The following NUDT18 variants were observed in gnomAD, a reference collection of about 807,000 sequenced individuals.
NUDT18 encodes the protein 8-oxo-dGDP phosphatase NUDT18.
A neutral mutation model predicts 27.6 loss-of-function variants in NUDT18; 26 were observed. The observed-to-expected ratio is 0.94, with a 90% CI of 0.69 to 1.31. The LOEUF (loss-of-function observed/expected upper bound fraction) is 1.31, where lower values mean the gene tolerates loss of function less well. NUDT18 is among the 50% of genes most tolerant of loss of function. The probability of loss-of-function intolerance (pLI) is 0.00; values close to 1 mark genes in which losing one functional copy is unlikely to be tolerated. For synonymous variants in NUDT18, 220 were observed against 196.9 expected (o/e 1.12, Z -0.98); for missense variants, 450 against 433.4 (o/e 1.04, Z -0.34).
intron 1 of NUDT18, 81 bp downstream of exon 1, chr8:22,109,058 C>A: frequency 1.8e-6 from 2 of 1,113,864 alleles, no homozygotes; most frequent in Non-Finnish European, 2.4e-6. Context: ...GCAGCGCTGG[C>A]TGTGGCCGTT....
At position 22,109,378 on chromosome 8, in the gene NUDT18, C is replaced by CCCGCTCCCAGTCCCTGCCGAGA; in HGVS notation, c.-79_-78insTCTCGGCAGGGACTGGGAGCGG. The CCCGCTCCCAGTCCCTGCCGAGA allele has an allele frequency of 4.2e-6, 5 of 1,195,274 alleles. No homozygotes were observed. In the South Asian group the frequency reaches 1.2e-4, roughly 28 times the overall value. 74.0% of individuals were successfully genotyped at this position (1,195,274 alleles called of 1,614,324 possible). A position where few individuals can be genotyped will look rare whatever the true frequency, so the allele number is the denominator to read the frequency against. ...CCGCGGGCTAGAGTGCGCTGCGGAG[C>CCCGCTCCCAGTCCCTGCCGAGA]CCGCTCCCAGTCCCTGCGGCAGCGG... On this transcript the variant is annotated 5_prime_UTR_variant, in exon 1 of 3. Transcript: ENST00000611621.
chr8:22,107,157 T>C lies in NUDT18; in HGVS notation c.*143A>G. 2 of 631,292 alleles carry C rather than the reference T, an allele frequency of 3.2e-6. No individual in the cohort carries two copies. Among genetic ancestry groups the C allele is most frequent in the South Asian group, 4.0e-5 (2 of 50,428 alleles). 39.1% of individuals were successfully genotyped at this position (631,292 alleles called of 1,614,324 possible). A position where few individuals can be genotyped will look rare whatever the true frequency, so the allele number is the denominator to read the frequency against. On this transcript the variant is annotated 3_prime_UTR_variant, in exon 3 of 3. Coordinates refer to ENST00000611621, the MANE Select transcript of NUDT18 (RefSeq NM_024815.4). ...ATCTAGAGGAATGCTCCTCAAAGCA[T>C]CTCTCCTGGGGACCAGGAGAGCCGC...
At position 22,109,247 on chromosome 8, in the gene NUDT18, C is replaced by G. The variant is rs367707934; in HGVS notation, c.54G>C (p.Gly18=). 7.0e-7 allele frequency: 1 copy of G among 1,418,746 alleles called. No homozygotes were observed. The highest frequency in any genetic ancestry group is 9.1e-7 in the Non-Finnish European group (1 of 1,093,936). The allele number at this position is 1,418,746 out of a possible 1,614,324, so 87.9% of individuals were successfully genotyped here. A position where few individuals can be genotyped will look rare whatever the true frequency, so the allele number is the denominator to read the frequency against. ...GALASVLAGQ[G]SSVHSCDSAP... ...CCGAGTCGCAGCTGTGCACGCTGGA[C>G]CCCTGGCCAGCCAGCACGGAAGCCA... The change falls in exon 1 of 3, where the codon GGG becomes GGC. Residue 18 remains glycine, a synonymous_variant. Transcript: ENST00000611621.
At position 22,107,352 on chromosome 8, in the gene NUDT18, C is replaced by T; in HGVS notation, c.920G>A (p.Ser307Asn). 2 of 1,613,316 alleles carry T rather than the reference C, an allele frequency of 1.2e-6. No homozygotes were observed. Among genetic ancestry groups the T allele is most frequent in the South Asian group, 2.2e-5 (2 of 91,024 alleles). Reference protein sequence around the residue: ...WWKVMEEDLQSQLLQRLQGSS... With the variant: ...WWKVMEEDLQNQLLQRLQGSS... Reference sequence around the variant, plus strand: ...TCCCTGAAGCCGCTGGAGGAGCTGGCTTTGCAGGTCTTCCTCCATCACCTT... The same window carrying T: ...TCCCTGAAGCCGCTGGAGGAGCTGGTTTTGCAGGTCTTCCTCCATCACCTT... Residue 307 changes from serine to asparagine, a missense_variant, in exon 3 of 3, where the codon AGC (serine) becomes AAC (asparagine). By Grantham distance (46) the Ser-to-Asn change is conservative. Transcript: ENST00000611621.
chr8:22,109,716 G>A (rs946931345), upstream of NUDT18: 7 of 459,662 alleles, frequency 1.5e-5, no homozygotes, highest in Middle Eastern at 3.2e-4. Context: ...CTTTCCTGCA[G>A]GGCGCGTTGC....
Position 22,109,400 on chromosome 8 carries a change from G to GTCCCTGCGGCAT in NUDT18, c.-101_-100insATGCCGCAGGGA. 3 of 303,926 alleles carry GTCCCTGCGGCAT rather than the reference G, an allele frequency of 9.9e-6. No individual in the cohort carries two copies. The highest frequency in any genetic ancestry group is 8.0e-5 in the African/African-American group (1 of 12,562). The allele number at this position is 303,926 out of a possible 1,614,324, so 18.8% of individuals were successfully genotyped here. A position where few individuals can be genotyped will look rare whatever the true frequency, so the allele number is the denominator to read the frequency against. ...GAGCCCGCTCCCAGTCCCTGCGGCA[G>GTCCCTGCGGCAT]CGGGCCGGGAGCTCACGAGAACGCG... On this transcript the variant is annotated 5_prime_UTR_variant, in exon 1 of 3. It adds an upstream start codon to the 5' untranslated region. Transcript: ENST00000611621.
upstream of NUDT18, among the ~76,000 whole-genome samples, chr8:22,110,040 C>T (rs1826445094): frequency 7.1e-6 from 1 of 141,784 alleles, no homozygotes; most frequent in Non-Finnish European, 1.5e-5. Context: ...GGAAGAGTGA[C>T]AGGCGCTGGA....
upstream of NUDT18, chr8:22,109,507 G>A (rs939721506): frequency 1.5e-5 from 7 of 473,606 alleles, 1 homozygote; most frequent in South Asian, 2.1e-4. Context: ...CGGATTGGCC[G>A]GCCCGCGGCA....
Position 22,107,598 on chromosome 8 carries a change from T to G in NUDT18, c.674A>C (p.Glu225Ala), listed in dbSNP as rs1179272973. The G allele has an allele frequency of 6.2e-7, 1 of 1,613,012 alleles. No homozygotes were observed. The highest frequency in any genetic ancestry group is 1.7e-5 in the Admixed American group (1 of 60,000). ...PVTACGLDPM[E>A]QRGGMKMAVL... ...GGCCATCTTCATGCCACCCCTCTGC[T>G]CCATAGGGTCGAGGCCACAGGCAGT... The change falls in exon 3 of 3, where the codon GAG (glutamate) becomes GCG (alanine). Residue 225 changes from glutamate to alanine, a missense_variant. Transcript: ENST00000611621.
chr8:22,109,587 AC>A, upstream of NUDT18: 1 of 515,922 alleles, frequency 1.9e-6, no homozygotes. Context: ...AGCCCAGCGG[AC>A]CCCGCCCGGC....
At chr8:22,109,717 G>A (rs1826439753), upstream of NUDT18, 1 of 459,598 alleles carries the variant, frequency 2.2e-6, no homozygotes, top group Admixed American at 2.3e-5. Context: ...TTTCCTGCAG[G>A]GCGCGTTGCG....
chr8:22,109,048 GC>G, intron 1 of NUDT18, 90 bp downstream of exon 1: 1 of 1,028,754 alleles, frequency 9.7e-7, no homozygotes, highest in Non-Finnish European at 1.3e-6. Flanking sequence ...CACGCACGCG[GC>G]AGCGCTGGCT....
Position 22,107,478 on chromosome 8 carries a change from CTG to C in NUDT18, c.792_793del (p.His264GlnfsTer2), listed in dbSNP as rs1210758093. ...CAGCACATTCAAACAGATGCCATCACTGTGATCTCGGCCCAGGTGCTGCAGTC... is the reference window on the plus strand; with the variant it reads ...CAGCACATTCAAACAGATGCCATCACTGATCTCGGCCCAGGTGCTGCAGTC... On this transcript the variant is annotated frameshift_variant, in exon 3 of 3. Coordinates refer to ENST00000611621, the MANE Select transcript of NUDT18 (RefSeq NM_024815.4). LOFTEE classifies it high-confidence loss of function. 5 of 1,613,186 alleles carry C rather than the reference CTG, an allele frequency of 3.1e-6. No homozygotes were observed. The highest frequency in any genetic ancestry group is 2.7e-5 in the African/African-American group (2 of 74,940).
rs1182193956 is a variant in NUDT18, at chr8:22,107,272, C to G, written c.*28G>C. On this transcript the variant is annotated 3_prime_UTR_variant, in exon 3 of 3. Transcript: ENST00000611621. Reference sequence around the variant, plus strand: ...TCCGCACTGGAGGGAGCACGGCTGCCTAGCTCCCTGTCACCTCCCCCACCT... The same window carrying G: ...TCCGCACTGGAGGGAGCACGGCTGCGTAGCTCCCTGTCACCTCCCCCACCT... 1 of 1,528,066 alleles carries G rather than the reference C, an allele frequency of 6.5e-7. No homozygotes were observed. Among genetic ancestry groups the G allele is most frequent in the East Asian group, 2.3e-5 (1 of 42,752 alleles). The allele number at this position is 1,528,066 out of a possible 1,614,324, so 94.7% of individuals were successfully genotyped here. A position where few individuals can be genotyped will look rare whatever the true frequency, so the allele number is the denominator to read the frequency against.
Position 22,109,312 on chromosome 8 carries a change from G to T in NUDT18, c.-12C>A, listed in dbSNP as rs1041210406. On this transcript the variant is annotated 5_prime_UTR_variant, in exon 1 of 3. Transcript: ENST00000611621. ...CCCTCCGAGGCCATCGGGTCCCCCGGGGGGCGGCGGGCCGGATCCTCGCAG... is the reference window on the plus strand; with the variant it reads ...CCCTCCGAGGCCATCGGGTCCCCCGTGGGGCGGCGGGCCGGATCCTCGCAG... The T allele has an allele frequency of 3.7e-6, 5 of 1,337,950 alleles. No individual in the cohort carries two copies. In the African/African-American group the frequency reaches 6.6e-5, roughly 18 times the overall value. The allele number at this position is 1,337,950 out of a possible 1,614,324, so 82.9% of individuals were successfully genotyped here.
rs758623486 is a variant in NUDT18, at chr8:22,108,291, A to T, written c.218T>A (p.Leu73Gln). ...AKRECRGSWY[L>Q]PAGRMEPGET... is the part of the protein sequence containing the mutation. ...CCCTGGCTCCATTCTCCCCGCAGGC[A>T]GGTACCACGACCCCCGGCACTCCCT... is the stretch of plus-strand genomic sequence containing the variant. Residue 73 changes from leucine (L) to glutamine (Q), a missense_variant, in exon 2 of 3, where the codon CTG (leucine) becomes CAG (glutamine). By Grantham distance (113) the Leu-to-Gln change is moderately radical (BLOSUM62 -2). Transcript: ENST00000611621. The T allele has an allele frequency of 3.8e-6, 6 of 1,593,138 alleles. No homozygotes were observed. In the Admixed American group the frequency reaches 8.8e-5, roughly 23 times the overall value.
chr8:22,109,956 G>A (rs2131742982), upstream of NUDT18: 1 of 314,542 alleles, frequency 3.2e-6, no homozygotes, highest in South Asian at 2.4e-5. Context: ...GCAATAGTTG[G>A]AGAGATGGAC....
In NUDT18 at chr8:22,107,609, G is replaced by T. The variant is rs762124338; in HGVS notation, c.663C>A (p.Leu221=). The change falls in exon 3 of 3, where the codon CTC becomes CTA. Residue 221 remains leucine (L), a synonymous_variant. Transcript: ENST00000611621. ...TGCCACCCCTCTGCTCCATAGGGTC[G>T]AGGCCACAGGCAGTGACAGGCAAGT... ...MPHLPVTACG[L]DPMEQRGGMK... 1 of 1,613,234 alleles carries T rather than the reference G, an allele frequency of 6.2e-7. No individual in the cohort carries two copies. The highest frequency in any genetic ancestry group is 1.1e-5 in the South Asian group (1 of 91,084).
chr8:22,109,378 C>CCCGCTCCCAGTCCCTACGGAGA lies in NUDT18; in HGVS notation c.-79_-78insTCTCCGTAGGGACTGGGAGCGG. The CCCGCTCCCAGTCCCTACGGAGA allele has an allele frequency of 8.4e-7, 1 of 1,195,274 alleles. No homozygotes were observed. Among genetic ancestry groups the CCCGCTCCCAGTCCCTACGGAGA allele is most frequent in the Non-Finnish European group, 1.1e-6 (1 of 931,084 alleles). The allele number at this position is 1,195,274 out of a possible 1,614,324, so 74.0% of individuals were successfully genotyped here. On this transcript the variant is annotated 5_prime_UTR_variant, in exon 1 of 3. Transcript: ENST00000611621. ...CCGCGGGCTAGAGTGCGCTGCGGAG[C>CCCGCTCCCAGTCCCTACGGAGA]CCGCTCCCAGTCCCTGCGGCAGCGG...
Sources: allele counts gnomAD v4.1 joint callset (sites outside exome capture counted in the v4.1 genomes callset), GRCh38; gene constraint gnomAD v4.1.1; transcripts MANE v1.5; gene names NCBI Gene and HGNC (gene_info 2026-07-23, HGNC 2026-07-21).